CDCA3: variants seen among roughly 807,000 people sequenced by gnomAD.
CDCA3 encodes the protein cell division cycle associated 3, also known as cell division cycle-associated protein 3.
CDCA3 carries 16 observed loss-of-function variants against 29.1 expected under a neutral mutation model. That is an observed-to-expected ratio of 0.55 (90% CI 0.37 to 0.83). The LOEUF (loss-of-function observed/expected upper bound fraction) is 0.83. Ranked by LOEUF, CDCA3 falls within the 40% of genes least tolerant of loss-of-function variation. The pLI, the probability that CDCA3 is intolerant of heterozygous loss-of-function variation, is 0.00. For missense variants in CDCA3, 291 were observed against 327.2 expected (o/e 0.89, Z 0.85); for synonymous variants, 88 against 124.5 (o/e 0.71, Z 1.95).
Position 6,849,579 on chromosome 12 carries a change from G to A in CDCA3, c.530C>T (p.Thr177Ile). The change falls in exon 4 of 6, where the codon ACT (threonine) becomes ATT (isoleucine). Residue 177 changes from threonine (T) to isoleucine (I), a missense_variant. Transcript: ENST00000538862. The surrounding 1 kb of genome is among the most constrained non-coding windows in gnomAD (Gnocchi z 5.2). ...SSDKPSRDPE[T>I]PRSSGSMRNR... ...AGATTCTGTACCTGAAGATCTGGGA[G>A]TCTCAGGGTCCCTTGAGGGCTTGTC... 1 of 1,608,088 alleles carries A rather than the reference G, an allele frequency of 6.2e-7. No homozygotes were observed. Among genetic ancestry groups the A allele is most frequent in the Middle Eastern group, 1.7e-4 (1 of 6,030 alleles).
rs782737903 is a variant in CDCA3 at position 6,850,907 on chromosome 12, G to A, written c.46C>T (p.Pro16Ser). Reference sequence around the variant, plus strand: ...ACTCGAGCCAGATGCTTGTTGTGCGGCGGAGGCCGCGCTGGTGTGACTGGG... The same window carrying A: ...ACTCGAGCCAGATGCTTGTTGTGCGACGGAGGCCGCGCTGGTGTGACTGGG... ...SVPVTPARPPPHNKHLARVAD... is the reference protein window; with the variant it reads ...SVPVTPARPPSHNKHLARVAD... The change falls in exon 2 of 6, where the codon CCG becomes TCG. Residue 16 changes from proline (P) to serine (S), a missense_variant. Transcript: ENST00000538862. This position sits in a 1 kb window ranked among gnomAD's most constrained non-coding sequence, Gnocchi z 4.7. 2 of 1,613,136 alleles carry A rather than the reference G, an allele frequency of 1.2e-6. No individual in the cohort carries two copies. The highest frequency in any genetic ancestry group is 1.7e-6 in the Non-Finnish European group (2 of 1,179,834).
chr12:6,849,678 A>G lies in CDCA3; in HGVS notation c.431T>C (p.Phe144Ser), dbSNP rs146777519. The change falls in exon 4 of 6, where the codon TTC (phenylalanine) becomes TCC (serine). Residue 144 changes from phenylalanine (F) to serine (S), a missense_variant. Phe to Ser is a radical substitution (Grantham distance 155). Coordinates refer to ENST00000538862, the MANE Select transcript of CDCA3 (RefSeq NM_031299.7). The surrounding 1 kb of genome is among the most constrained non-coding windows in gnomAD (Gnocchi z 5.2). ...EQMPPWNQTE[F>S]PSKQVFSKEE... is the part of the protein sequence containing the mutation. ...CTTGGAAAACACCTGTTTGGAGGGG[A>G]ACTCAGTCTGGTTCCAAGGTGGCAT... The G allele has an allele frequency of 2.0e-5, 32 of 1,613,862 alleles. No homozygotes were observed. Among genetic ancestry groups the G allele is most frequent in the Non-Finnish European group, 2.5e-5 (29 of 1,179,988 alleles).
In CDCA3 at chr12:6,849,058, G is replaced by A; in HGVS notation, c.792C>T (p.Pro264=). The A allele has an allele frequency of 9.2e-7, 1 of 1,087,938 alleles. No homozygotes were observed. The highest frequency in any genetic ancestry group is 1.4e-6 in the Non-Finnish European group (1 of 699,552). The allele number at this position is 1,087,938 out of a possible 1,614,324, so 67.4% of individuals were successfully genotyped here. The part of the protein sequence containing the change: ...QDHDKENQHF[P]LVES ...CATGCAGGGCCTAGCTCTCCACCAA[G>A]GGAAAGTGCTGATTTTCCTTGTCAT... The change falls in exon 6 of 6, where the codon CCC becomes CCT. Residue 264 remains proline, a synonymous_variant. Transcript: ENST00000538862. This position sits in a 1 kb window ranked among gnomAD's most constrained non-coding sequence, Gnocchi z 5.2.
downstream of CDCA3, among the ~76,000 whole-genome samples, chr12:6,847,601 G>C (rs1943732647): frequency 6.6e-6 from 1 of 152,210 alleles, no homozygotes; most frequent in African/African-American, 2.4e-5. Flanking sequence ...TGGCCTGCCT[G>C]TGGTGCCCAT....
At chr12:6,848,806 A>G (rs1943755293), downstream of CDCA3, 1 of 515,312 alleles carries the variant, frequency 1.9e-6, no homozygotes, top group Non-Finnish European at 3.4e-6. Flanking sequence ...ACACACAGAA[A>G]ACTCGGTGCA....
chr12:6,846,839 G>A (rs1023890893), downstream of CDCA3: 1 of 1,602,836 alleles, frequency 6.2e-7, no homozygotes, highest in South Asian at 1.1e-5. Context: ...GGGAGTCACA[G>A]CTGACGGGAT....
At chr12:6,845,587 T>C (rs782424609), downstream of CDCA3, 2 of 1,607,496 alleles carry the variant, frequency 1.2e-6, no homozygotes, top group South Asian at 2.2e-5. Flanking sequence ...TGCCCTCAGT[T>C]CTTCCCCAAT....
downstream of CDCA3, chr12:6,846,097 G>A: frequency 2.6e-6 from 1 of 383,548 alleles, no homozygotes; most frequent in Non-Finnish European, 4.8e-6. Flanking sequence ...CATTTCAGGG[G>A]CACCCACTGA....
downstream of CDCA3, chr12:6,846,673 C>T (rs1184986929): frequency 1.3e-5 from 8 of 630,418 alleles, no homozygotes; most frequent in African/African-American, 2.0e-5. Context: ...ACACATATCC[C>T]CCCACACACC....
chr12:6,850,653 C>T lies in CDCA3; in HGVS notation c.121-57G>A. ...GCCCTGACTCTTCTCTCCTCTCCTC[C>T]CCATATTCCAGGAAGGAATTGCCAA... On this transcript the variant is annotated intron_variant, in intron 2 of 5. Transcript: ENST00000538862. The surrounding 1 kb of genome is among the most constrained non-coding windows in gnomAD (Gnocchi z 4.7). 1 of 1,610,188 alleles carries T rather than the reference C, an allele frequency of 6.2e-7. No homozygotes were observed. The highest frequency in any genetic ancestry group is 1.3e-5 in the African/African-American group (1 of 74,918).
At chr12:6,846,864 G>C (rs781960283), downstream of CDCA3, 2 of 1,598,512 alleles carry the variant, frequency 1.3e-6, no homozygotes, top group Non-Finnish European at 1.7e-6. Context: ...GTGGCCACAG[G>C]TTCCTGGGAC....
rs1252894573 is a variant in CDCA3, at chr12:6,851,245, T to G, written c.-81A>C. 3.4e-6 allele frequency: 4 copies of G among 1,187,074 alleles called. No individual in the cohort carries two copies. In the African/African-American group the frequency reaches 6.3e-5, roughly 19 times the overall value. The allele number at this position is 1,187,074 out of a possible 1,614,324, so 73.5% of individuals were successfully genotyped here. On this transcript the variant is annotated 5_prime_UTR_variant, in exon 1 of 6. Coordinates refer to ENST00000538862, the MANE Select transcript of CDCA3 (RefSeq NM_031299.7). Reference sequence around the variant, plus strand: ...ACCGGGCCCCAATTCCACCTCTGGATGCACAACAGCTCGTGGCTCAACTCC... The same window carrying G: ...ACCGGGCCCCAATTCCACCTCTGGAGGCACAACAGCTCGTGGCTCAACTCC...
downstream of CDCA3, chr12:6,846,823 C>A: frequency 6.2e-7 from 1 of 1,600,346 alleles, no homozygotes; most frequent in Admixed American, 1.7e-5. Context: ...ACAGGGTGAG[C>A]TGCCTGGGAG....
Position 6,849,183 on chromosome 12 carries a change from G to C in CDCA3, c.667C>G (p.Pro223Ala). The C allele has an allele frequency of 6.2e-7, 1 of 1,614,208 alleles. No homozygotes were observed. ...LTLRQGKRPS[P>A]LSENVSELKE... ...AGTTCACTAACATTTTCACTTAGGG[G>C]TGAAGGCCGCTTACCCTGAAAACGG... The change falls in exon 6 of 6, where the codon CCC becomes GCC. Residue 223 changes from proline (P) to alanine (A), a missense_variant. Coordinates refer to ENST00000538862, the MANE Select transcript of CDCA3 (RefSeq NM_031299.7). The surrounding 1 kb of genome is among the most constrained non-coding windows in gnomAD (Gnocchi z 5.2).
rs1943779987 is a variant in CDCA3, at chr12:6,849,372, AG to A, written c.601del (p.Leu201SerfsTer13). 1.2e-6 allele frequency: 2 copies of A among 1,606,186 alleles called. No individual in the cohort carries two copies. Among genetic ancestry groups the A allele is most frequent in the South Asian group, 1.1e-5 (1 of 89,722 alleles). ...NSSKVLGRSPLTILQDDNSPG... is the reference protein window; with the variant it reads ...NSSKVLGRSPXTILQDDNSPG... ...GGAGTTGTCATCCTGCAGGATGGTG[AG>A]GGGGGATCTCCCTAGTACCTTGCTG... On this transcript the variant is annotated frameshift_variant, in exon 5 of 6. Transcript: ENST00000538862. LOFTEE classifies it high-confidence loss of function. The surrounding 1 kb of genome is among the most constrained non-coding windows in gnomAD (Gnocchi z 5.2).
downstream of CDCA3, chr12:6,846,162 G>A: frequency 3.6e-6 from 1 of 275,526 alleles, no homozygotes; most frequent in South Asian, 5.0e-5. Flanking sequence ...AGGAGATCTG[G>A]AGTGGCCCGA....
chr12:6,846,814 C>G, downstream of CDCA3: 2 of 1,597,670 alleles, frequency 1.3e-6, no homozygotes, highest in Non-Finnish European at 1.7e-6. Flanking sequence ...GCCACGATAA[C>G]AGGGTGAGCT....
rs1443371968 is a variant in CDCA3 at position 6,848,875 on chromosome 12, AAC to A, written c.*166_*167del. On this transcript the variant is annotated 3_prime_UTR_variant, in exon 6 of 6. Coordinates refer to ENST00000538862, the MANE Select transcript of CDCA3 (RefSeq NM_031299.7). ...AAATTACTTCCTTTAATATAAAAGA[AAC>A]ACACAAGACACAAAGAAAGCCCAAT... 3.4e-6 allele frequency: 2 copies of A among 586,420 alleles called. No individual in the cohort carries two copies. Among genetic ancestry groups the A allele is most frequent in the Non-Finnish European group, 6.1e-6 (2 of 329,830 alleles). The allele number at this position is 586,420 out of a possible 1,614,324, so 36.3% of individuals were successfully genotyped here. A position where few individuals can be genotyped will look rare whatever the true frequency, so the allele number is the denominator to read the frequency against.
chr12:6,846,440 T>TC (rs1555124732), downstream of CDCA3: 2 of 203,516 alleles, frequency 9.8e-6, no homozygotes, highest in Non-Finnish European at 2.0e-5. Context: ...TCGGGTTTTT[T>TC]CATAGTACAC....
Sources: allele counts gnomAD v4.1 joint callset (sites outside exome capture counted in the v4.1 genomes callset), GRCh38; gene constraint gnomAD v4.1.1; non-coding constraint Gnocchi (gnomAD v3.1); transcripts MANE v1.5; gene names NCBI Gene and HGNC (gene_info 2026-07-23, HGNC 2026-07-21).